Variants in THOC7 observed in about 807,000 individuals in gnomAD.
THOC7 encodes the protein NIF3L1-binding protein 1.
In THOC7, 22 loss-of-function variants were observed where a neutral mutation model predicts 33.1. The observed-to-expected ratio is 0.66, with a 90% CI of 0.47 to 0.95. The LOEUF (loss-of-function observed/expected upper bound fraction) is 0.95. THOC7 is among the 40% of genes least tolerant of loss of function. The pLI, the probability that THOC7 is intolerant of heterozygous loss-of-function variation, is 0.00. For synonymous variants in THOC7, 77 were observed against 76.8 expected (o/e 1.00, Z -0.01); for missense variants, 184 against 245.3 (o/e 0.75, Z 1.67).
At chr3:63,861,203 G>A (rs1702204034) in intron 1 of THOC7, among the ~76,000 whole-genome samples, 1 of 152,122 alleles carries the variant, frequency 6.6e-6, no homozygotes, top group South Asian at 2.1e-4. Context: ...TAAGTGGCAG[G>A]GTAGAGATTC....
chr3:63,853,705 G>A (rs1702058808), intron 1 of THOC7, among the ~76,000 whole-genome samples: 1 of 152,116 alleles, frequency 6.6e-6, no homozygotes, highest in Non-Finnish European at 1.5e-5. Flanking sequence ...TCAGGAGATC[G>A]AGACCATCCT....
chr3:63,839,213 G>A (rs144123457), intron 2 of THOC7, among the ~76,000 whole-genome samples: 2 of 152,174 alleles, frequency 1.3e-5, no homozygotes, highest in Admixed American at 6.5e-5. Flanking sequence ...TTAGATATAC[G>A]TGTGTGCGTG....
At chr3:63,843,221 C>T (rs778800368) in intron 1 of THOC7, among the ~76,000 whole-genome samples, 1 of 152,092 alleles carries the variant, frequency 6.6e-6, no homozygotes, top group Non-Finnish European at 1.5e-5. Flanking sequence ...TGGGTTCAAG[C>T]GATTCTCTTG....
At chr3:63,840,281 G>GA (rs893353423) in intron 1 of THOC7, among the ~76,000 whole-genome samples, 11 of 150,736 alleles carry the variant, frequency 7.3e-5, no homozygotes, top group South Asian at 4.2e-4. Flanking sequence ...GGCAAACTAG[G>GA]AAAAAAAAAT....
intron 1 of THOC7, chr3:63,848,733 T>C (rs886609701): frequency 6.6e-6 from 1 of 152,228 alleles, no homozygotes; most frequent in Non-Finnish European, 1.5e-5. Flanking sequence ...ATGAGACTGA[T>C]TGAACTGATA....
chr3:63,863,606 C>T (rs1702294583), intron 1 of THOC7, 166 bp downstream of exon 1: 4 of 1,194,600 alleles, frequency 3.3e-6, no homozygotes, highest in Admixed American at 4.5e-5. Context: ...AGGGAAGCAG[C>T]CGGGGAGGCC....
chr3:63,836,548 G>A (rs1176458511), intron 4 of THOC7, among the ~76,000 whole-genome samples, 190 bp from the exon 5 acceptor site: 1 of 151,952 alleles, frequency 6.6e-6, no homozygotes, highest in East Asian at 1.9e-4. Context: ...CATCAAAAGT[G>A]TTCCAAACAG....
chr3:63,863,951 G>GCGC (rs1161401026), upstream of THOC7: 5,094 of 81,256 alleles, frequency 0.063, 267 homozygotes, highest in African/African-American at 0.17. Flanking sequence ...GCGCCGCGCC[G>GCGC]CGCCGCCGCC....
At chr3:63,839,596 A>G (rs1341364913) in intron 2 of THOC7, 60 bp downstream of exon 2, 1 of 1,426,688 alleles carries the variant, frequency 7.0e-7, no homozygotes, top group Non-Finnish European at 9.9e-7. Flanking sequence ...CAGGACCTTA[A>G]TATAGGGCCT....
chr3:63,838,583 A>G (rs1701685236), intron 2 of THOC7, 84 bp from the exon 3 acceptor site: 1 of 1,326,634 alleles, frequency 7.5e-7, no homozygotes, highest in African/African-American at 1.5e-5. Context: ...AATATTTGCT[A>G]ATTAAATTAT....
intron 1 of THOC7, 130 bp from the exon 2 acceptor site, chr3:63,839,903 C>G (rs1169484362): frequency 1.5e-6 from 1 of 686,452 alleles, no homozygotes; most frequent in South Asian, 1.9e-5. Context: ...TGCCACTGAA[C>G]TGTACACTTA....
rs1702296756 is a variant in THOC7 at position 63,863,633 on chromosome 3, G to A, written c.19+139C>T. 7 of 1,206,264 alleles carry A rather than the reference G, an allele frequency of 5.8e-6. No homozygotes were observed. In the East Asian group the frequency reaches 2.4e-4, roughly 41 times the overall value. The allele number at this position is 1,206,264 out of a possible 1,614,324, so 74.7% of individuals were successfully genotyped here. Reference sequence around the variant, plus strand: ...GGGGAGGCCCGGGGCTCCGGGGAGAGGTCGGGAAGGCCGAAGCGCTCTGGC... The same window carrying A: ...GGGGAGGCCCGGGGCTCCGGGGAGAAGTCGGGAAGGCCGAAGCGCTCTGGC... On this transcript the variant is annotated intron_variant, in intron 1 of 7. Coordinates refer to ENST00000295899, the MANE Select transcript of THOC7 (RefSeq NM_025075.4).
At chr3:63,859,703 G>A (rs1702171074) in intron 1 of THOC7, among the ~76,000 whole-genome samples, 2 of 152,216 alleles carry the variant, frequency 1.3e-5, no homozygotes, top group African/African-American at 4.8e-5. Flanking sequence ...GCCCTCCTCT[G>A]TCTAGTTCAC....
chr3:63,835,487 TA>T, intron 5 of THOC7, 97 bp from the exon 6 acceptor site: 17 of 1,097,500 alleles, frequency 1.5e-5, no homozygotes, highest in Admixed American at 2.4e-5. Flanking sequence ...ATTTTTAAAA[TA>T]AAAAAAGGGC....
intron 3 of THOC7, 76 bp downstream of exon 3, chr3:63,838,296 G>A: frequency 9.1e-7 from 1 of 1,103,514 alleles, no homozygotes; most frequent in Non-Finnish European, 1.3e-6. Flanking sequence ...TACCACCAAA[G>A]AAAATTGTTA....
At chr3:63,848,924 G>A (rs1249439650) in intron 1 of THOC7, among the ~76,000 whole-genome samples, 2 of 152,104 alleles carry the variant, frequency 1.3e-5, no homozygotes, top group Admixed American at 6.5e-5. Context: ...TCTACCTGAT[G>A]ATATCTCCAG....
intron 1 of THOC7, among the ~76,000 whole-genome samples, chr3:63,852,985 T>C (rs1702045689): frequency 6.6e-6 from 1 of 151,922 alleles, no homozygotes; most frequent in African/African-American, 2.4e-5. Context: ...GCCCTGTCTC[T>C]CCTAAAAATA....
rs759421233 is a variant in THOC7 at position 63,837,983 on chromosome 3, AT to A, written c.344del (p.Asn115IlefsTer11). The A allele has an allele frequency of 4.4e-6, 7 of 1,606,980 alleles. No individual in the cohort carries two copies. Among genetic ancestry groups the A allele is most frequent in the Non-Finnish European group, 5.9e-6 (7 of 1,177,460 alleles). ...QILQAKRIRK[N>X]RQEYDALAKV... Reference sequence around the variant, plus strand: ...ATCCCTCAAAACCCTTACCTTGGCGATTTTTTCGTATTCGTTTTGCTTGAAG... The same window carrying A: ...ATCCCTCAAAACCCTTACCTTGGCGATTTTTCGTATTCGTTTTGCTTGAAG... On this transcript the variant is annotated frameshift_variant, in exon 4 of 8. Transcript: ENST00000295899. LOFTEE classifies it high-confidence loss of function.
At chr3:63,844,440 C>T (rs1701842293) in intron 1 of THOC7, among the ~76,000 whole-genome samples, 1 of 152,176 alleles carries the variant, frequency 6.6e-6, no homozygotes, top group Non-Finnish European at 1.5e-5. Context: ...TGTATATATA[C>T]TCCAACACAT....
Sources: gnomAD v4.1 joint callset for allele counts (sites outside exome capture counted in the v4.1 genomes callset) on GRCh38, gnomAD v4.1.1 for gene constraint, MANE v1.5 for transcripts, NCBI Gene and HGNC (gene_info 2026-07-23, HGNC 2026-07-21) for gene names.